The following NAV3 variants were observed in gnomAD, a reference collection of about 807,000 sequenced individuals.
The protein encoded by NAV3 is pore membrane and/or filament interacting like protein 1.
In NAV3, 87 loss-of-function variants were observed where a neutral mutation model predicts 244.7. That is an observed-to-expected ratio of 0.36 (90% CI 0.30 to 0.42). The LOEUF is 0.42. Among genes scored for constraint, NAV3 ranks in the 20% least tolerant of loss-of-function variants. NAV3 has a pLI of 1.00. For synonymous variants in NAV3, 1,126 were observed against 1,042.2 expected (o/e 1.08, Z -1.55); for missense variants, 2,663 against 2,893.3 (o/e 0.92, Z 1.83).
chr12:77,847,180 G>A (rs1876787401), intron 1 of NAV3, among the ~76,000 whole-genome samples: 1 of 152,178 alleles, frequency 6.6e-6, no homozygotes, highest in African/African-American at 2.4e-5. Flanking sequence ...GCCATTGACA[G>A]AATGTGTGGG....
chr12:77,769,380 G>C (rs1423778496), intron 2 of NAV3, among the ~76,000 whole-genome samples: 3 of 152,140 alleles, frequency 2.0e-5, no homozygotes, highest in Non-Finnish European at 4.4e-5. Flanking sequence ...TAACAGAACA[G>C]TACAGCTCCC....
At chr12:78,045,611 T>A (rs1313746563) in intron 9 of NAV3, among the ~76,000 whole-genome samples, 2 of 152,142 alleles carry the variant, frequency 1.3e-5, no homozygotes, top group Non-Finnish European at 2.9e-5. Flanking sequence ...AGCTTTTTGA[T>A]GTGCTGCTGG....
intron 1 of NAV3, among the ~76,000 whole-genome samples, chr12:77,906,761 A>G (rs988893651): frequency 3.9e-5 from 6 of 152,152 alleles, no homozygotes; most frequent in African/African-American, 1.4e-4. Flanking sequence ...TTTAATTCAT[A>G]TAAGAGTTTG....
At chr12:77,767,170 T>C (rs979071981) in intron 2 of NAV3, among the ~76,000 whole-genome samples, 2 of 152,218 alleles carry the variant, frequency 1.3e-5, no homozygotes, top group Non-Finnish European at 2.9e-5. Flanking sequence ...TTATTTAAGT[T>C]ACTTGAACTC....
chr12:78,066,400 T>C (rs1885026105), intron 12 of NAV3, among the ~76,000 whole-genome samples: 1 of 152,090 alleles, frequency 6.6e-6, no homozygotes, highest in Non-Finnish European at 1.5e-5. Context: ...TGAAGTAGAA[T>C]GATAATAGAA....
At chr12:77,951,469 T>A (rs1164047893) in intron 3 of NAV3, among the ~76,000 whole-genome samples, 1 of 152,166 alleles carries the variant, frequency 6.6e-6, no homozygotes, top group Non-Finnish European at 1.5e-5. Flanking sequence ...ACACTGTTGG[T>A]GGGACTGTAA....
intron 2 of NAV3, among the ~76,000 whole-genome samples, chr12:77,819,104 ATATC>A (rs1555208352): frequency 6.6e-6 from 1 of 152,090 alleles, no homozygotes; most frequent in Non-Finnish European, 1.5e-5. Context: ...GACTAAAAAT[ATATC>A]TATCAGTGAG....
At chr12:77,926,599 A>G (rs1405180727) in intron 1 of NAV3, among the ~76,000 whole-genome samples, 1 of 152,218 alleles carries the variant, frequency 6.6e-6, no homozygotes, top group African/African-American at 2.4e-5. Context: ...TTAGAATTAA[A>G]TCTCTTGTAA....
intron 3 of NAV3, among the ~76,000 whole-genome samples, chr12:77,958,042 T>A (rs1474295396): frequency 2.0e-5 from 3 of 152,180 alleles, no homozygotes; most frequent in Non-Finnish European, 4.4e-5. Context: ...AACAAAATAA[T>A]TGTAGTTAAA....
intron 1 of NAV3, among the ~76,000 whole-genome samples, chr12:77,877,438 C>G (rs73342715): frequency 0.012 from 1,749 of 151,994 alleles, 35 homozygotes; most frequent in African/African-American, 0.04. Context: ...ATTTTGAGAC[C>G]TTTCATGTCA....
intron 12 of NAV3, among the ~76,000 whole-genome samples, chr12:78,071,035 C>G (rs1173637766): frequency 6.6e-6 from 1 of 150,880 alleles, no homozygotes; most frequent in East Asian, 2.0e-4. Flanking sequence ...GTCTTTATAG[C>G]AGCATGATTT....
At chr12:78,078,282 C>T (rs1953155662) in intron 12 of NAV3, among the ~76,000 whole-genome samples, 1 of 150,582 alleles carries the variant, frequency 6.6e-6, no homozygotes, top group African/African-American at 2.4e-5. Context: ...CACAATTCAA[C>T]CGATAACATT....
intron 2 of NAV3, among the ~76,000 whole-genome samples, chr12:77,603,703 G>T (rs1034355529): frequency 6.6e-6 from 1 of 151,990 alleles, no homozygotes; most frequent in Non-Finnish European, 1.5e-5. Context: ...GAAGGGAGAG[G>T]CAGGATTGAA....
chr12:77,733,257 G>A (rs1451870121), intron 2 of NAV3, among the ~76,000 whole-genome samples: 2 of 151,992 alleles, frequency 1.3e-5, no homozygotes, highest in Admixed American at 1.3e-4. Flanking sequence ...GTGAAAGATT[G>A]GAATAGGGCA....
At chr12:77,734,328 T>C (rs951813055) in intron 2 of NAV3, among the ~76,000 whole-genome samples, 1 of 152,088 alleles carries the variant, frequency 6.6e-6, no homozygotes, top group Non-Finnish European at 1.5e-5. Context: ...TTTAAATCTT[T>C]ATGACAACTG....
chr12:78,183,365 T>TAA (rs1958578820), intron 30 of NAV3, among the ~76,000 whole-genome samples: 1 of 151,896 alleles, frequency 6.6e-6, no homozygotes, highest in Non-Finnish European at 1.5e-5. Flanking sequence ...CAAAACTTAG[T>TAA]AAACACTGAG....
intron 2 of NAV3, among the ~76,000 whole-genome samples, chr12:77,708,055 T>G (rs1236768125): frequency 6.6e-6 from 1 of 152,234 alleles, no homozygotes; most frequent in African/African-American, 2.4e-5. Context: ...AGAAGCTCTT[T>G]AGTTTAATTA....
chr12:78,170,310 C>T (rs892115470), intron 24 of NAV3, among the ~76,000 whole-genome samples: 2 of 151,712 alleles, frequency 1.3e-5, no homozygotes, highest in Non-Finnish European at 2.9e-5. Flanking sequence ...CTTCATAACT[C>T]CTCCTCTCCT....
Position 77,758,928 on chromosome 12 carries a change from A to G in NAV3, c.73-181391A>G, listed in dbSNP as rs567560417. 1.4e-4 allele frequency among the ~76,000 whole-genome samples: 21 copies of G among 152,326 alleles called. No individual in the cohort carries two copies. The South Asian group carries it at 2.9e-3, about 21-fold the overall frequency. On this transcript the variant is annotated intron_variant, in intron 2 of 8. Transcript: ENST00000550042. ...TCATTTAAGCCAAAGCATCATTTCA[A>G]TATGTTCTTAATCTCAAAATTGTTA... is the stretch of plus-strand genomic sequence containing the variant.
Sources: allele counts gnomAD v4.1 joint callset (sites outside exome capture counted in the v4.1 genomes callset), GRCh38; gene constraint gnomAD v4.1.1; transcripts MANE v1.5; gene names NCBI Gene and HGNC (gene_info 2026-07-23, HGNC 2026-07-21).